The following DENND5A variants were observed in gnomAD, a reference collection of about 807,000 sequenced individuals.
The protein encoded by DENND5A is DENN domain-containing protein 5A.
Under a neutral mutation model 140.3 loss-of-function variants are expected in DENND5A, and 64 were observed. That is an observed-to-expected ratio of 0.46 (90% CI 0.37 to 0.56). The LOEUF (loss-of-function observed/expected upper bound fraction) is 0.56, where lower values mean the gene tolerates loss of function less well. Ranked by LOEUF, DENND5A falls within the 20% of genes least tolerant of loss-of-function variation. The pLI is 0.00. For missense variants in DENND5A, 1,292 were observed against 1,593.8 expected (o/e 0.81, Z 3.22); for synonymous variants, 605 against 607.7 (o/e 1.00, Z 0.07).
chr11:9,196,224 AT>A (rs1269610511), intron 4 of DENND5A, among the ~76,000 whole-genome samples: 1 of 152,182 alleles, frequency 6.6e-6, no homozygotes, highest in African/African-American at 2.4e-5. Flanking sequence ...AACTGCTGGG[AT>A]TACAGGTGTG....
At chr11:9,234,005 C>T (rs1047536025) in intron 1 of DENND5A, among the ~76,000 whole-genome samples, 16 of 152,038 alleles carry the variant, frequency 1.1e-4, no homozygotes, top group Non-Finnish European at 2.2e-4. Context: ...TGGTGAAACC[C>T]CGTCTCTACT....
chr11:9,230,965 G>A (rs1199754426), intron 1 of DENND5A, among the ~76,000 whole-genome samples: 1 of 152,068 alleles, frequency 6.6e-6, no homozygotes, highest in Non-Finnish European at 1.5e-5. Context: ...CTGGGTGACA[G>A]AGCAAGACCC....
Position 9,265,162 on chromosome 11 carries a change from CG to C in DENND5A, c.-94del. 1.6e-6 allele frequency: 1 copy of C among 627,298 alleles called. No individual in the cohort carries two copies. The highest frequency in any genetic ancestry group is 2.0e-6 in the Non-Finnish European group (1 of 499,406). 38.9% of individuals were successfully genotyped at this position (627,298 alleles called of 1,614,324 possible). ...CCGTCCGCCCTCAGGCCGCCCCTCC[CG>C]CCGCCGCCGCTACCGCGGCTCGGGC... On this transcript the variant is annotated 5_prime_UTR_variant, in exon 1 of 23. Transcript: ENST00000328194. This position sits in a 1 kb window ranked among gnomAD's most constrained non-coding sequence, Gnocchi z 4.7.
At chr11:9,172,642 T>C (rs903733436) in intron 8 of DENND5A, among the ~76,000 whole-genome samples, 1 of 152,172 alleles carries the variant, frequency 6.6e-6, no homozygotes, top group Non-Finnish European at 1.5e-5. Flanking sequence ...CCTGCTGTGC[T>C]GTGAAGAGGT....
intron 5 of DENND5A, among the ~76,000 whole-genome samples, chr11:9,182,591 A>G (rs1848768847): frequency 6.6e-6 from 1 of 152,240 alleles, no homozygotes; most frequent in Non-Finnish European, 1.5e-5. Flanking sequence ...AAAATGAATG[A>G]AATCCTGTCA....
At chr11:9,142,532 A>T (rs1257936355) in intron 21 of DENND5A, among the ~76,000 whole-genome samples, 190 bp downstream of exon 21, 1 of 152,202 alleles carries the variant, frequency 6.6e-6, no homozygotes, top group Non-Finnish European at 1.5e-5. Context: ...CTCAAGAGGT[A>T]AGCATTTACC....
At chr11:9,234,034 C>T (rs996070660) in intron 1 of DENND5A, among the ~76,000 whole-genome samples, 36 of 151,908 alleles carry the variant, frequency 2.4e-4, no homozygotes, top group African/African-American at 8.4e-4. Flanking sequence ...AAAAATTAGC[C>T]GGGCATGGTA....
intron 5 of DENND5A, among the ~76,000 whole-genome samples, chr11:9,190,026 C>T (rs1209511255): frequency 2.6e-5 from 4 of 152,146 alleles, no homozygotes; most frequent in Non-Finnish European, 2.9e-5. Flanking sequence ...ATTTGACTGC[C>T]CCGCTGGATT....
At chr11:9,251,157 AG>A (rs147938212) in intron 1 of DENND5A, among the ~76,000 whole-genome samples, 2 of 151,096 alleles carry the variant, frequency 1.3e-5, no homozygotes, top group Admixed American at 6.6e-5. Context: ...AAAAAAAAAA[AG>A]AAAGAAAGAT....
intron 1 of DENND5A, among the ~76,000 whole-genome samples, chr11:9,212,628 T>C (rs190957283): frequency 4.7e-4 from 71 of 149,992 alleles, no homozygotes; most frequent in Non-Finnish European, 6.6e-4. Flanking sequence ...ACAACACAAG[T>C]ACTGAAAAAA....
intron 20 of DENND5A, 48 bp downstream of exon 20, chr11:9,143,355 C>A (rs1178581072): frequency 6.6e-7 from 1 of 1,508,106 alleles, no homozygotes; most frequent in Non-Finnish European, 9.2e-7. Flanking sequence ...CAAAATTATT[C>A]TCTCTTATTC....
chr11:9,201,233 G>C (rs984646738), intron 4 of DENND5A, among the ~76,000 whole-genome samples: 1 of 151,448 alleles, frequency 6.6e-6, no homozygotes, highest in Admixed American at 6.6e-5. Flanking sequence ...TAATTAGCCA[G>C]GCATGGTGGT....
At chr11:9,158,455 G>A (rs1024335881) in intron 12 of DENND5A, among the ~76,000 whole-genome samples, 13 of 152,066 alleles carry the variant, frequency 8.5e-5, no homozygotes, top group African/African-American at 3.1e-4. Flanking sequence ...AGCTGAGGTG[G>A]GAGACTCAGT....
At chr11:9,144,366 T>A in intron 18 of DENND5A, 88 bp from the exon 19 acceptor site, 1 of 1,341,726 alleles carries the variant, frequency 7.5e-7, no homozygotes, top group East Asian at 2.4e-5. Context: ...TCCCTGGAGA[T>A]AGGCTCTGAA....
intron 12 of DENND5A, 142 bp downstream of exon 12, chr11:9,160,571 A>T: frequency 1.7e-6 from 1 of 579,940 alleles, no homozygotes; most frequent in Non-Finnish European, 2.9e-6. Flanking sequence ...ACATTTATTT[A>T]ATTGTTTATT....
chr11:9,227,292 T>G (rs1196324676), intron 1 of DENND5A, among the ~76,000 whole-genome samples: 1 of 152,158 alleles, frequency 6.6e-6, no homozygotes, highest in Non-Finnish European at 1.5e-5. Flanking sequence ...CATTGAGCCG[T>G]TTTGCTACAT....
rs1848707790 is a variant in DENND5A at position 9,180,929 on chromosome 11, ACT to A, written c.1291_1292del (p.Ser431CysfsTer11). On this transcript the variant is annotated frameshift_variant, in exon 6 of 23. Transcript: ENST00000328194. LOFTEE classifies it high-confidence loss of function. ...PPEGNLHCSE[S>X]ASKLKRLRAS... Reference sequence around the variant, plus strand: ...CCCGCAGCCTCTTCAGCTTGGAGGCACTCTCACTGCAATGAAGATTCCCTTCA... The same window carrying A: ...CCCGCAGCCTCTTCAGCTTGGAGGCACTCACTGCAATGAAGATTCCCTTCA... 6.2e-7 allele frequency: 1 copy of A among 1,613,938 alleles called. No individual in the cohort carries two copies.
chr11:9,260,400 A>C lies in DENND5A; in HGVS notation c.109+4561T>G, dbSNP rs1259564431. On this transcript the variant is annotated intron_variant, in intron 1 of 22. Transcript: ENST00000328194. ...CTAGTGGTGACCATCAGAAACAAAG[A>C]AAAAGAAGATTCACCAGGACATTCG... Among the ~76,000 whole-genome samples, 7 of 152,288 alleles carry C rather than the reference A, an allele frequency of 4.6e-5. No homozygotes were observed. In the South Asian group the frequency reaches 1.2e-3, roughly 27 times the overall value.
intron 4 of DENND5A, among the ~76,000 whole-genome samples, chr11:9,195,937 C>G (rs1220944627): frequency 6.6e-6 from 1 of 152,006 alleles, no homozygotes; most frequent in Non-Finnish European, 1.5e-5. Flanking sequence ...TGTAATGGCT[C>G]AAACCTGTAA....
Sources: gnomAD v4.1 joint callset for allele counts (sites outside exome capture counted in the v4.1 genomes callset) on GRCh38, gnomAD v4.1.1 for gene constraint, Gnocchi (gnomAD v3.1) non-coding constraint, MANE v1.5 for transcripts, NCBI Gene and HGNC (gene_info 2026-07-23, HGNC 2026-07-21) for gene names.